Variants in IPO5 observed in about 807,000 individuals in gnomAD.
The protein encoded by IPO5 is importin 5, also known as importin-5.
A neutral mutation model predicts 143.3 loss-of-function variants in IPO5; 18 were observed. The observed-to-expected ratio is 0.13, with a 90% CI of 0.09 to 0.19. The LOEUF (loss-of-function observed/expected upper bound fraction) is 0.19. Among genes scored for constraint, IPO5 ranks in the 10% least tolerant of loss-of-function variants. The probability of loss-of-function intolerance (pLI) is 1.00; values close to 1 mark genes in which losing one functional copy is unlikely to be tolerated. For synonymous variants in IPO5, 477 were observed against 465.7 expected (o/e 1.02, Z -0.31); for missense variants, 1,013 against 1,336.9 (o/e 0.76, Z 3.78).
intron 17 of IPO5, among the ~76,000 whole-genome samples, chr13:98,007,011 A>G (rs936851520): frequency 6.7e-6 from 1 of 149,782 alleles, no homozygotes; most frequent in East Asian, 2.0e-4. Flanking sequence ...GATTACAGGC[A>G]CCTGCCACCA....
intron 3 of IPO5, 153 bp downstream of exon 3, chr13:97,969,983 G>A (rs1268124890): frequency 3.2e-6 from 2 of 618,466 alleles, no homozygotes; most frequent in South Asian, 4.1e-5. Context: ...ACAGGCGTGA[G>A]CCATCACACC....
At chr13:97,955,358 T>C (rs1033753035) in intron 2 of IPO5, among the ~76,000 whole-genome samples, 2 of 152,196 alleles carry the variant, frequency 1.3e-5, no homozygotes, top group Non-Finnish European at 2.9e-5. Flanking sequence ...AGTTCATACA[T>C]GCTTGGTCAT....
At chr13:97,996,396 T>G (rs1259257866) in intron 11 of IPO5, among the ~76,000 whole-genome samples, 1 of 152,120 alleles carries the variant, frequency 6.6e-6, no homozygotes, top group Non-Finnish European at 1.5e-5. Context: ...TGAACCCTGC[T>G]AAGTCTCAAT....
intron 11 of IPO5, among the ~76,000 whole-genome samples, chr13:97,996,022 T>C (rs1234680241): frequency 6.6e-6 from 1 of 152,140 alleles, no homozygotes; most frequent in Non-Finnish European, 1.5e-5. Flanking sequence ...AAGAAAATAA[T>C]TACAGTGCAC....
intron 9 of IPO5, among the ~76,000 whole-genome samples, chr13:97,991,588 T>A (rs1053573569): frequency 6.6e-6 from 1 of 152,222 alleles, no homozygotes; most frequent in Non-Finnish European, 1.5e-5. Context: ...CAGTTGAGCA[T>A]CTCAAGTCAG....
rs181204795 is a variant in IPO5, at chr13:98,007,157, T to C, written c.1716+809T>C. Among the ~76,000 whole-genome samples, 27 of 152,258 alleles carry C rather than the reference T, an allele frequency of 1.8e-4. No individual in the cohort carries two copies. In the East Asian group the frequency reaches 5.2e-3, roughly 29 times the overall value. ...CACCGCGCCCAGCCCGTCTTTTCATTGTTAATATTAAGGTTTCTTTTTAGC... is the reference window on the plus strand; with the variant it reads ...CACCGCGCCCAGCCCGTCTTTTCATCGTTAATATTAAGGTTTCTTTTTAGC... On this transcript the variant is annotated intron_variant, in intron 17 of 28. Coordinates refer to ENST00000651721, the MANE Select transcript of IPO5 (RefSeq NM_002271.6).
At chr13:98,020,945 T>G (rs1431916093) in intron 27 of IPO5, 47 bp from the exon 28 acceptor site, 1 of 1,495,008 alleles carries the variant, frequency 6.7e-7, no homozygotes, top group Admixed American at 1.8e-5. Flanking sequence ...ATAATCATAT[T>G]TCTCCTTATA....
At chr13:97,991,711 T>G (rs1887817100) in intron 9 of IPO5, among the ~76,000 whole-genome samples, 1 of 152,222 alleles carries the variant, frequency 6.6e-6, no homozygotes, top group South Asian at 2.1e-4. Flanking sequence ...GTATCCATTC[T>G]TGATTGATAC....
rs771765903 is a variant in IPO5 at position 97,993,252 on chromosome 13, A to G, written c.913+27A>G. The G allele has an allele frequency of 8.7e-6, 14 of 1,602,616 alleles. No individual in the cohort carries two copies. In the South Asian group the frequency reaches 1.3e-4, roughly 15 times the overall value. On this transcript the variant is annotated intron_variant, in intron 11 of 28. Coordinates refer to ENST00000651721, the MANE Select transcript of IPO5 (RefSeq NM_002271.6). ...TAAGTCAATGGTCTTCAGATAGTTT[A>G]TGTGTATTGTGGCCAAATTTTTGGA...
intron 11 of IPO5, among the ~76,000 whole-genome samples, chr13:97,993,753 G>C (rs1007217425): frequency 6.6e-6 from 1 of 152,184 alleles, no homozygotes; most frequent in Non-Finnish European, 1.5e-5. Context: ...ATAAGGACTT[G>C]AGAACTAACC....
chr13:98,021,004 T>C lies in IPO5; in HGVS notation c.3078T>C (p.Ile1026=), dbSNP rs200379132. The C allele has an allele frequency of 1.2e-6, 2 of 1,608,526 alleles. No homozygotes were observed. The highest frequency in any genetic ancestry group is 4.5e-5 in the East Asian group (2 of 44,486). Residue 1026 remains isoleucine, a synonymous_variant, in exon 28 of 29, where the codon ATT becomes ATC. Coordinates refer to ENST00000651721, the MANE Select transcript of IPO5 (RefSeq NM_002271.6). The part of the protein sequence containing the change: ...LCDLIESNHP[I]VLGPNNTNLP... ...TCTCATTTGTCAGTAATCATCCAAT[T>C]GTTCTTGGCCCAAACAATACCAATC...
chr13:98,008,250 A>G (rs1889426476), intron 18 of IPO5, 108 bp downstream of exon 18: 3 of 637,348 alleles, frequency 4.7e-6, no homozygotes, highest in Non-Finnish European at 8.4e-6. Flanking sequence ...CATACTATCA[A>G]CCCCTGCTAG....
At chr13:98,008,185 G>T in intron 18 of IPO5, 43 bp downstream of exon 18, 3 of 1,133,070 alleles carry the variant, frequency 2.6e-6, no homozygotes, top group East Asian at 4.7e-5. Context: ...CTAATGAGTT[G>T]TGGACAGCAC....
At chr13:97,990,640 G>T in intron 9 of IPO5, 103 bp downstream of exon 9, 1 of 651,432 alleles carries the variant, frequency 1.5e-6, no homozygotes, top group Non-Finnish European at 2.6e-6. Flanking sequence ...ATGTTCTGGC[G>T]CTAGGCATAC....
chr13:97,963,945 C>T (rs1205825043), intron 2 of IPO5, among the ~76,000 whole-genome samples: 1 of 152,094 alleles, frequency 6.6e-6, no homozygotes, highest in Non-Finnish European at 1.5e-5. Flanking sequence ...CTCTAATGAC[C>T]AGTGAGGATG....
chr13:97,993,116 C>A lies in IPO5; in HGVS notation c.804C>A (p.Asp268Glu). 1 of 1,614,060 alleles carries A rather than the reference C, an allele frequency of 6.2e-7. No individual in the cohort carries two copies. Among genetic ancestry groups the A allele is most frequent in the Non-Finnish European group, 8.5e-7 (1 of 1,179,958 alleles). Residue 268 changes from aspartate to glutamate, a missense_variant, in exon 11 of 29, where the codon GAC (aspartate) becomes GAA (glutamate). By Grantham distance (45) the Asp-to-Glu change is conservative. Transcript: ENST00000651721. ...TGTCTTCTTTGTAGTTGTGTGGAGACACTAGCCTCAACAATATGCAACGCC... is the reference window on the plus strand; with the variant it reads ...TGTCTTCTTTGTAGTTGTGTGGAGAAACTAGCCTCAACAATATGCAACGCC... Reference protein sequence around the residue: ...TLQLSLKLCGDTSLNNMQRQL... With the variant: ...TLQLSLKLCGETSLNNMQRQL...
chr13:97,986,599 C>G (rs533347045), intron 6 of IPO5, among the ~76,000 whole-genome samples: 29 of 152,232 alleles, frequency 1.9e-4, no homozygotes, highest in Admixed American at 8.5e-4. Flanking sequence ...ATCTGCCCAT[C>G]TCGGCCTCCC....
chr13:97,976,523 G>GC (rs1377030827), intron 3 of IPO5, 170 bp from the exon 4 acceptor site: 1 of 150,320 alleles, frequency 6.7e-6, no homozygotes, highest in African/African-American at 2.5e-5. Context: ...GCGAGGCCCC[G>GC]CCCCGTCCTC....
intron 9 of IPO5, among the ~76,000 whole-genome samples, chr13:97,991,552 A>G (rs1279852187): frequency 6.6e-6 from 1 of 152,228 alleles, no homozygotes; most frequent in East Asian, 1.9e-4. Context: ...TCAAATTTTG[A>G]AACACTGTAT....
Sources: gnomAD v4.1 joint callset for allele counts (sites outside exome capture counted in the v4.1 genomes callset) on GRCh38, gnomAD v4.1.1 for gene constraint, MANE v1.5 for transcripts, NCBI Gene and HGNC (gene_info 2026-07-23, HGNC 2026-07-21) for gene names.